DSCAML1: variants seen among roughly 807,000 people sequenced by gnomAD.
DSCAML1 encodes DS cell adhesion molecule like 1, also known as cell adhesion molecule DSCAML1.
Under a neutral mutation model 200.5 loss-of-function variants are expected in DSCAML1, and 38 were observed. The observed-to-expected ratio is 0.19, with a 90% CI of 0.15 to 0.25. The LOEUF is 0.25. Among genes scored for constraint, DSCAML1 ranks in the 10% least tolerant of loss-of-function variants. DSCAML1 has a pLI of 1.00. For synonymous variants in DSCAML1, 1,215 were observed against 1,165.0 expected (o/e 1.04, Z -0.87); for missense variants, 2,223 against 2,858.8 (o/e 0.78, Z 5.07).
intron 3 of DSCAML1, among the ~76,000 whole-genome samples, chr11:117,671,995 G>T (rs1321772588): frequency 6.6e-6 from 1 of 151,760 alleles, no homozygotes; most frequent in African/African-American, 2.4e-5. Flanking sequence ...CAGCTACTCG[G>T]GAGGGTGAGG....
In DSCAML1 at chr11:117,431,514, C is replaced by A; in HGVS notation, c.5374+20G>T. 1 of 1,524,472 alleles carries A rather than the reference C, an allele frequency of 6.6e-7. No individual in the cohort carries two copies. The highest frequency in any genetic ancestry group is 2.0e-5 in the Admixed American group (1 of 49,974). 94.4% of individuals were successfully genotyped at this position (1,524,472 alleles called of 1,614,324 possible). A position where few individuals can be genotyped will look rare whatever the true frequency, so the allele number is the denominator to read the frequency against. The stretch of plus-strand genomic sequence containing the variant: ...AACTGGGGGGAGGTGTTCAGGATGC[C>A]AGCAGGGCCTTAGGCACACCTGTGT... On this transcript the variant is annotated intron_variant, in intron 31 of 32. Transcript: ENST00000651296.
At chr11:117,787,175 T>G (rs1388740622) in intron 1 of DSCAML1, among the ~76,000 whole-genome samples, 1 of 152,238 alleles carries the variant, frequency 6.6e-6, no homozygotes, top group East Asian at 1.9e-4. Flanking sequence ...CTGCCTCACC[T>G]TTCTGTGCCT....
At chr11:117,484,968 T>C (rs903274451) in intron 11 of DSCAML1, among the ~76,000 whole-genome samples, 16 of 149,472 alleles carry the variant, frequency 1.1e-4, no homozygotes, top group Non-Finnish European at 2.1e-4. Flanking sequence ...GGTCTTTCTT[T>C]GGTAGGAGGA....
At position 117,505,635 on chromosome 11, in the gene DSCAML1, A is replaced by G. The variant is rs1175479364; in HGVS notation, c.1881T>C (p.Arg627=). ...CCTGTCCGTCCTTCCTCCAGGTGATACGGATGGGCATGTCCCCCGAGGACA... is the reference window on the plus strand; with the variant it reads ...CCTGTCCGTCCTTCCTCCAGGTGATGCGGATGGGCATGTCCCCCGAGGACA... ...CVVSSGDMPI[R]ITWRKDGQVI... is the part of the protein sequence containing the mutation. The change falls in exon 9 of 33, where the codon CGT becomes CGC. Residue 627 remains arginine, a synonymous_variant. Coordinates refer to ENST00000651296, the MANE Select transcript of DSCAML1 (RefSeq NM_020693.4). This position sits in a 1 kb window ranked among gnomAD's most constrained non-coding sequence, Gnocchi z 6.7. 6.2e-7 allele frequency: 1 copy of G among 1,614,020 alleles called. No homozygotes were observed. Among genetic ancestry groups the G allele is most frequent in the South Asian group, 1.1e-5 (1 of 91,074 alleles).
In DSCAML1 at chr11:117,639,668, C is replaced by T. The variant is rs552086990; in HGVS notation, c.512-107146G>A. 3.9e-5 allele frequency among the ~76,000 whole-genome samples: 6 copies of T among 152,226 alleles called. No individual in the cohort carries two copies. The South Asian group carries it at 6.2e-4, about 16-fold the overall frequency. Reference sequence around the variant, plus strand: ...GGGGAGGAGGGAAGGAGGATGCAGACGGTAGGCTTGTCTTCGTTGCCATTC... The same window carrying T: ...GGGGAGGAGGGAAGGAGGATGCAGATGGTAGGCTTGTCTTCGTTGCCATTC... On this transcript the variant is annotated intron_variant, in intron 3 of 32. Coordinates refer to ENST00000651296, the MANE Select transcript of DSCAML1 (RefSeq NM_020693.4).
chr11:117,671,445 T>G (rs1389771835), intron 3 of DSCAML1, among the ~76,000 whole-genome samples: 2 of 152,184 alleles, frequency 1.3e-5, no homozygotes, highest in African/African-American at 4.8e-5. Flanking sequence ...CCAACAGCAG[T>G]CTGGGATCTG....
At position 117,480,485 on chromosome 11, in the gene DSCAML1, T is replaced by C. The variant is rs2048891009; in HGVS notation, c.2743A>G (p.Ser915Gly). 7 of 1,613,002 alleles carry C rather than the reference T, an allele frequency of 4.3e-6. No homozygotes were observed. Among genetic ancestry groups the C allele is most frequent in the Non-Finnish European group, 5.9e-6 (7 of 1,179,658 alleles). The change falls in exon 14 of 33, where the codon AGC (serine) becomes GGC (glycine). Residue 915 changes from serine to glycine, a missense_variant. By Grantham distance (56) the Ser-to-Gly change is moderately conservative. Coordinates refer to ENST00000651296, the MANE Select transcript of DSCAML1 (RefSeq NM_020693.4). The surrounding 1 kb of genome is among the most constrained non-coding windows in gnomAD (Gnocchi z 4.1). ...LRWTQRFDGN[S>G]IITGFDIEYK... ...TCAATGTCGAAGCCCGTGATGATGC[T>C]GTTCCCGTCGAATCGCTGGGTCCAG...
In DSCAML1 at chr11:117,559,146, GAAAGA is replaced by G. The variant is rs1200956680; in HGVS notation, c.512-26629_512-26625del. ...AGACAGAAAAACAGACACAAAGAAA[GAAAGA>G]AAAGAAAGACACCAGAGATAACATC... On this transcript the variant is annotated intron_variant, in intron 3 of 32. Coordinates refer to ENST00000651296, the MANE Select transcript of DSCAML1 (RefSeq NM_020693.4). 1.8e-3 allele frequency among the ~76,000 whole-genome samples: 268 copies of G among 152,208 alleles called. 2 individuals are homozygous for G. The highest frequency in any genetic ancestry group is 6.2e-3 in the African/African-American group (257 of 41,542).
In DSCAML1 at chr11:117,437,078, C is replaced by G; in HGVS notation, c.4720+44G>C. 6.3e-7 allele frequency: 1 copy of G among 1,580,552 alleles called. No homozygotes were observed. The highest frequency in any genetic ancestry group is 8.6e-7 in the Non-Finnish European group (1 of 1,161,204). On this transcript the variant is annotated intron_variant, in intron 26 of 32. Coordinates refer to ENST00000651296, the MANE Select transcript of DSCAML1 (RefSeq NM_020693.4). The surrounding 1 kb of genome is among the most constrained non-coding windows in gnomAD (Gnocchi z 5.3). The stretch of plus-strand genomic sequence containing the variant: ...ACTCTGCCCACTTCCTTCGCACCAC[C>G]CTGCTCCAGCCTCTGTACCATCCCT...
rs764430933 is a variant in DSCAML1, at chr11:117,428,745, A to T, written c.5745T>A (p.Asp1915Glu). Reference sequence around the variant, plus strand: ...GGACCACGGGGCAGGGCTCACGTCCATCTGCCTTTCGAAAGAAGGCCTCTG... The same window carrying T: ...GGACCACGGGGCAGGGCTCACGTCCTTCTGCCTTTCGAAAGAAGGCCTCTG... ...AKSEAFFRKA[D>E]GREPCPVVPP... Residue 1915 changes from aspartate to glutamate, a missense_variant, in exon 33 of 33, where the codon GAT (aspartate) becomes GAA (glutamate). Asp to Glu is a conservative substitution (Grantham distance 45). Around this residue, in one of 7 missense-constraint regions of DSCAML1, gnomAD observed 280 missense variants for 213.4 expected, o/e 1.31. Coordinates refer to ENST00000651296, the MANE Select transcript of DSCAML1 (RefSeq NM_020693.4). The T allele has an allele frequency of 7.4e-6, 12 of 1,612,830 alleles. No homozygotes were observed. The highest frequency in any genetic ancestry group is 1.0e-5 in the Non-Finnish European group (12 of 1,179,660).
intron 1 of DSCAML1, among the ~76,000 whole-genome samples, chr11:117,804,828 G>A (rs1464028600): frequency 6.6e-6 from 1 of 152,174 alleles, no homozygotes; most frequent in African/African-American, 2.4e-5. Flanking sequence ...TACTCGGGAG[G>A]TTGAGGTGGG....
At chr11:117,772,210 AC>A (rs1464456733) in intron 3 of DSCAML1, among the ~76,000 whole-genome samples, 1 of 152,108 alleles carries the variant, frequency 6.6e-6, no homozygotes, top group Non-Finnish European at 1.5e-5. Flanking sequence ...CCCATTTGGC[AC>A]CCTGGAACTC....
chr11:117,683,351 G>A (rs775733213), intron 3 of DSCAML1, among the ~76,000 whole-genome samples: 45 of 152,292 alleles, frequency 3.0e-4, no homozygotes, highest in East Asian at 1.9e-4. Context: ...TGGACTGCAC[G>A]CCTCTAAGTT....
chr11:117,649,809 G>A (rs921190778), intron 3 of DSCAML1, among the ~76,000 whole-genome samples: 1 of 152,198 alleles, frequency 6.6e-6, no homozygotes, highest in African/African-American at 2.4e-5. Flanking sequence ...TCCCTGAACA[G>A]GTCCAGGCAG....
chr11:117,679,901 C>T (rs546590806), intron 3 of DSCAML1, among the ~76,000 whole-genome samples: 1 of 151,754 alleles, frequency 6.6e-6, no homozygotes, highest in Admixed American at 6.6e-5. Context: ...ACCCTCCTCT[C>T]CATGACACAG....
intron 3 of DSCAML1, among the ~76,000 whole-genome samples, chr11:117,736,549 T>C (rs1317310099): frequency 6.6e-6 from 1 of 152,208 alleles, no homozygotes; most frequent in African/African-American, 2.4e-5. Flanking sequence ...GTTAGGGTCA[T>C]GCTGAAGGCT....
In DSCAML1 at chr11:117,454,100, T is replaced by A. The variant is rs576285829; in HGVS notation, c.3569-3412A>T. On this transcript the variant is annotated intron_variant, in intron 19 of 32. Transcript: ENST00000651296. ...TCAGTTTTGAAACATTTTCAGACAT[T>A]TTATCTTCCGCTCCATTCTCTGTCT... 2.6e-3 allele frequency among the ~76,000 whole-genome samples: 401 copies of A among 152,306 alleles called. 1 individual carries two copies. The highest frequency in any genetic ancestry group is 9.3e-3 in the African/African-American group (386 of 41,566).
chr11:117,464,868 C>T, intron 17 of DSCAML1, 74 bp downstream of exon 17: 3 of 1,570,592 alleles, frequency 1.9e-6, no homozygotes, highest in Non-Finnish European at 1.7e-6. Context: ...GAGGGACCCA[C>T]AAACCCTCTC....
At chr11:117,514,332 C>T (rs2049710735) in intron 8 of DSCAML1, among the ~76,000 whole-genome samples, 1 of 152,314 alleles carries the variant, frequency 6.6e-6, no homozygotes, top group African/African-American at 2.4e-5. Flanking sequence ...GGGAAGCCCC[C>T]AGGTGACAGG....
Sources: allele counts gnomAD v4.1 joint callset (sites outside exome capture counted in the v4.1 genomes callset), GRCh38; gene constraint gnomAD v4.1.1; regional missense constraint gnomAD v4.1.1; non-coding constraint Gnocchi (gnomAD v3.1); transcripts MANE v1.5; gene names NCBI Gene and HGNC (gene_info 2026-07-23, HGNC 2026-07-21).